The following NAA11 variants were observed in gnomAD, a reference collection of about 807,000 sequenced individuals.
NAA11 encodes N-alpha-acetyltransferase 11, NatA catalytic subunit, also known as N-alpha-acetyltransferase 11.
NAA11 carries 15 observed loss-of-function variants against 16.1 expected under a neutral mutation model. That is an observed-to-expected ratio of 0.93 (90% CI 0.62 to 1.44). The LOEUF (loss-of-function observed/expected upper bound fraction) is 1.44. Ranked by LOEUF, NAA11 falls within the 40% of genes most tolerant of loss-of-function variation. The probability of loss-of-function intolerance (pLI) is 0.00; values close to 1 mark genes in which losing one functional copy is unlikely to be tolerated. For missense variants in NAA11, 298 were observed against 291.3 expected (o/e 1.02, Z -0.17); for synonymous variants, 122 against 112.4 (o/e 1.09, Z -0.54).
chr4:79,269,480 T>G (rs1722435915), intron 2 of NAA11, among the ~76,000 whole-genome samples: 2 of 149,528 alleles, frequency 1.3e-5, no homozygotes, highest in Middle Eastern at 6.9e-3. Flanking sequence ...TCATGTGTTT[T>G]TTGGCTGCAT....
chr4:79,170,250 G>C, the NAA11 span, among the ~76,000 whole-genome samples: 1 of 152,152 alleles, frequency 6.6e-6, no homozygotes, highest in Non-Finnish European at 1.5e-5. Context: ...GAAATTCTTG[G>C]TATTTTTGGA....
chr4:79,232,327 A>T (rs1721485186), intron 2 of NAA11, among the ~76,000 whole-genome samples: 1 of 152,032 alleles, frequency 6.6e-6, no homozygotes, highest in African/African-American at 2.4e-5. Context: ...TTTAGCTCCA[A>T]AACAACTGTT....
At chr4:79,322,821 C>T (rs1201176361) in intron 1 of NAA11, among the ~76,000 whole-genome samples, 1 of 152,056 alleles carries the variant, frequency 6.6e-6, no homozygotes, top group Non-Finnish European at 1.5e-5. Flanking sequence ...CACTGTGAAA[C>T]TTTCAGGTTA....
downstream of NAA11, among the ~76,000 whole-genome samples, chr4:79,314,481 A>C (rs1206020318): frequency 6.6e-6 from 1 of 152,062 alleles, no homozygotes; most frequent in African/African-American, 2.4e-5. Context: ...TGAGCCAGAG[A>C]CAAAGAAACT....
At chr4:79,313,256 GT>G (rs1303509332), downstream of NAA11, among the ~76,000 whole-genome samples, 9 of 151,394 alleles carry the variant, frequency 5.9e-5, no homozygotes, top group Non-Finnish European at 1.0e-4. Flanking sequence ...TACAATGCAG[GT>G]TTTTTTTTAC....
intron 1 of NAA11, chr4:79,306,544 T>G (rs1357530986): frequency 1.3e-5 from 2 of 152,248 alleles, no homozygotes; most frequent in Non-Finnish European, 2.9e-5. Context: ...AATAGTCACA[T>G]TCTCAGAGAG....
At chr4:79,288,707 C>T (rs2109990844) in intron 2 of NAA11, among the ~76,000 whole-genome samples, 2 of 152,152 alleles carry the variant, frequency 1.3e-5, no homozygotes, top group South Asian at 4.1e-4. Context: ...ATTTAAAACT[C>T]AAGTAAATTT....
the NAA11 span, among the ~76,000 whole-genome samples, chr4:79,186,535 G>A: frequency 3.3e-5 from 5 of 152,246 alleles, no homozygotes; most frequent in Non-Finnish European, 7.4e-5. Flanking sequence ...TTGAATAACT[G>A]TATATTAAAG....
At chr4:79,265,535 A>G (rs1395833463) in intron 2 of NAA11, among the ~76,000 whole-genome samples, 1 of 152,152 alleles carries the variant, frequency 6.6e-6, no homozygotes, top group African/African-American at 2.4e-5. Flanking sequence ...CCTATGGGGT[A>G]TCTTGCTGTT....
At chr4:79,214,306 C>A in the NAA11 span, among the ~76,000 whole-genome samples, 1 of 152,134 alleles carries the variant, frequency 6.6e-6, no homozygotes, top group Non-Finnish European at 1.5e-5. Context: ...TTAGTTGGAT[C>A]TTTCACAAGT....
chr4:79,214,606 T>C, the NAA11 span, among the ~76,000 whole-genome samples: 613 of 152,254 alleles, frequency 4.0e-3, 14 homozygotes, highest in East Asian at 0.011. Flanking sequence ...GAGACCATCC[T>C]GGCTAACACA....
chr4:79,260,970 T>C (rs1722234491), intron 2 of NAA11, among the ~76,000 whole-genome samples: 1 of 152,220 alleles, frequency 6.6e-6, no homozygotes, highest in Non-Finnish European at 1.5e-5. Flanking sequence ...TAAATCCCCT[T>C]TGGCCTTAGA....
At chr4:79,265,414 C>A (rs1160320160) in intron 2 of NAA11, among the ~76,000 whole-genome samples, 2 of 152,188 alleles carry the variant, frequency 1.3e-5, no homozygotes, top group African/African-American at 4.8e-5. Context: ...TCTGCTGATA[C>A]TCCTCTCACT....
intron 2 of NAA11, among the ~76,000 whole-genome samples, chr4:79,264,333 A>C (rs531376784): frequency 3.3e-5 from 5 of 152,216 alleles, no homozygotes; most frequent in Admixed American, 2.0e-4. Flanking sequence ...CTCTTGTAAC[A>C]TAAATTTTTT....
the NAA11 span, among the ~76,000 whole-genome samples, chr4:79,200,332 A>T: frequency 6.6e-6 from 1 of 151,880 alleles, no homozygotes; most frequent in South Asian, 2.1e-4. Flanking sequence ...TTGGGGGCAG[A>T]GTAGTGAACA....
intron 2 of NAA11, among the ~76,000 whole-genome samples, chr4:79,281,054 G>A (rs371088568): frequency 6.6e-6 from 1 of 151,938 alleles, no homozygotes; most frequent in Non-Finnish European, 1.5e-5. Context: ...CCAGGCTCCA[G>A]TGCAAATGTT....
the NAA11 span, among the ~76,000 whole-genome samples, chr4:79,172,734 T>C: frequency 6.6e-6 from 1 of 151,944 alleles, no homozygotes; most frequent in Non-Finnish European, 1.5e-5. Flanking sequence ...CTTAAATAAA[T>C]GTAAAACACC....
At chr4:79,245,788 C>T (rs1721806465) in intron 2 of NAA11, among the ~76,000 whole-genome samples, 1 of 151,582 alleles carries the variant, frequency 6.6e-6, no homozygotes, top group Non-Finnish European at 1.5e-5. Context: ...CGCCCAGCCG[C>T]CCGTCTGGGG....
chr4:79,197,929 G>C, the NAA11 span, among the ~76,000 whole-genome samples: 1 of 152,078 alleles, frequency 6.6e-6, no homozygotes, highest in South Asian at 2.1e-4. Context: ...AAGGGTGTGG[G>C]TGAGTAGATA....
Sources: gnomAD v4.1 joint callset for allele counts (sites outside exome capture counted in the v4.1 genomes callset) on GRCh38, gnomAD v4.1.1 for gene constraint, MANE v1.5 for transcripts, NCBI Gene and HGNC (gene_info 2026-07-23, HGNC 2026-07-21) for gene names.